The following IMPG1 variants were observed in gnomAD, a reference collection of about 807,000 sequenced individuals.
IMPG1 encodes interphotoreceptor matrix proteoglycan 1, also known as interphotoreceptor matrix proteoglycan of 150 kDa.
A neutral mutation model predicts 92.0 loss-of-function variants in IMPG1; 85 were observed. That is an observed-to-expected ratio of 0.92 (90% CI 0.78 to 1.11). The LOEUF is 1.11. IMPG1 is among the 50% of genes least tolerant of loss of function. The pLI, the probability that IMPG1 is intolerant of heterozygous loss-of-function variation, is 0.00. For missense variants in IMPG1, 1,022 were observed against 956.0 expected (o/e 1.07, Z -0.91); for synonymous variants, 367 against 334.1 (o/e 1.10, Z -1.08).
intron 12 of IMPG1, among the ~76,000 whole-genome samples, chr6:75,982,195 G>A (rs1358720605): frequency 6.6e-6 from 1 of 152,134 alleles, no homozygotes; most frequent in Non-Finnish European, 1.5e-5. Flanking sequence ...ATAGCATTCT[G>A]CAAAGCCTGA....
chr6:76,018,749 T>C lies in IMPG1; in HGVS notation c.776A>G (p.Tyr259Cys), dbSNP rs767450356. 6.2e-7 allele frequency: 1 copy of C among 1,613,380 alleles called. No homozygotes were observed. Among genetic ancestry groups the C allele is most frequent in the East Asian group, 2.2e-5 (1 of 44,850 alleles). The change falls in exon 7 of 17, where the codon TAC (tyrosine) becomes TGC (cysteine). Residue 259 changes from tyrosine (Y) to cysteine (C), a missense_variant. Coordinates refer to ENST00000369950, the MANE Select transcript of IMPG1 (RefSeq NM_001563.4). ...AELADSQSPY[Y>C]QELAGKSQLQ... Reference sequence around the variant, plus strand: ...TTGGGACTTTCCTGCTAGCTCCTGGTAATATGGGGACTGGGAGTCAGCGAG... The same window carrying C: ...TTGGGACTTTCCTGCTAGCTCCTGGCAATATGGGGACTGGGAGTCAGCGAG...
chr6:76,045,441 C>CT (rs10700038), intron 1 of IMPG1, among the ~76,000 whole-genome samples: 33,302 of 122,394 alleles, frequency 0.27, 5,056 homozygotes, highest in African/African-American at 0.35. Context: ...CAACCTCCAT[C>CT]TTTTTTTTTT....
At chr6:76,055,117 C>G (rs772143218) in intron 1 of IMPG1, among the ~76,000 whole-genome samples, 2 of 151,800 alleles carry the variant, frequency 1.3e-5, no homozygotes, top group African/African-American at 2.4e-5. Flanking sequence ...ATAAAATATG[C>G]CTTCTTTTCA....
chr6:76,072,275 T>C, intron 1 of IMPG1, 147 bp downstream of exon 1: 1 of 490,712 alleles, frequency 2.0e-6, no homozygotes, highest in Non-Finnish European at 3.6e-6. Context: ...GATAGTTAAT[T>C]ATTCAATCAA....
At chr6:75,956,335 G>C (rs1019778851) in intron 12 of IMPG1, among the ~76,000 whole-genome samples, 6 of 152,182 alleles carry the variant, frequency 3.9e-5, no homozygotes, top group Non-Finnish European at 5.9e-5. Context: ...GAGGGTGTAT[G>C]TGTCCAGGAA....
chr6:76,036,640 T>G (rs369443028), intron 2 of IMPG1, among the ~76,000 whole-genome samples: 2 of 152,174 alleles, frequency 1.3e-5, no homozygotes, highest in East Asian at 1.9e-4. Flanking sequence ...TTTTCAAGGA[T>G]AAACATAAAT....
intron 12 of IMPG1, among the ~76,000 whole-genome samples, chr6:75,957,689 G>T (rs1350520968): frequency 6.6e-6 from 1 of 152,188 alleles, no homozygotes; most frequent in African/African-American, 2.4e-5. Flanking sequence ...GATATTTGTT[G>T]GTTTAAAGTC....
intron 1 of IMPG1, among the ~76,000 whole-genome samples, chr6:76,057,847 G>C (rs1784145661): frequency 6.6e-6 from 1 of 152,014 alleles, no homozygotes; most frequent in African/African-American, 2.4e-5. Flanking sequence ...ATATAACATT[G>C]TGTCATCTTT....
chr6:76,019,941 G>C (rs1230471044), intron 6 of IMPG1, among the ~76,000 whole-genome samples: 1 of 152,150 alleles, frequency 6.6e-6, no homozygotes, highest in Non-Finnish European at 1.5e-5. Flanking sequence ...AGTTGTCTTA[G>C]AAATTTTATA....
At chr6:75,936,034 G>T (rs1317053887) in intron 14 of IMPG1, among the ~76,000 whole-genome samples, 1 of 152,204 alleles carries the variant, frequency 6.6e-6, no homozygotes, top group Non-Finnish European at 1.5e-5. Flanking sequence ...GTCCTGAGAA[G>T]GTTGTGAGAT....
Position 76,064,799 on chromosome 6 carries a change from A to G in IMPG1, c.67+7623T>C, listed in dbSNP as rs149366278. Among the ~76,000 whole-genome samples, 12 of 152,292 alleles carry G rather than the reference A, an allele frequency of 7.9e-5. No homozygotes were observed. The East Asian group carries it at 1.7e-3, about 22-fold the overall frequency. On this transcript the variant is annotated intron_variant, in intron 1 of 16. Transcript: ENST00000369950. ...TCTGCTTCAGCTGGCTCTTACCAGT[A>G]AGTAAGTACTACCTGCTGGCCTGGA... is the stretch of plus-strand genomic sequence containing the variant.
chr6:76,039,830 G>A (rs1379622064), intron 2 of IMPG1, among the ~76,000 whole-genome samples: 2 of 152,206 alleles, frequency 1.3e-5, no homozygotes, highest in African/African-American at 4.8e-5. Flanking sequence ...TTGCATTTGG[G>A]CTTTGAGATA....
At chr6:76,028,411 C>T (rs541301729) in intron 4 of IMPG1, among the ~76,000 whole-genome samples, 10 of 152,324 alleles carry the variant, frequency 6.6e-5, no homozygotes, top group African/African-American at 2.2e-4. Flanking sequence ...TCAAACCAAA[C>T]AAGAGTTAAT....
At chr6:76,003,976 G>A in intron 10 of IMPG1, 26 bp from the exon 11 acceptor site, 1 of 1,558,140 alleles carries the variant, frequency 6.4e-7, no homozygotes. Flanking sequence ...CACAAGATTT[G>A]AATGTATCTT....
At chr6:75,937,890 T>C (rs9350607) in intron 14 of IMPG1, among the ~76,000 whole-genome samples, 84,249 of 152,024 alleles carry the variant, frequency 0.55, 24,276 homozygotes, top group Non-Finnish European at 0.65. Context: ...GAATAAGTTA[T>C]ATGTGGTTTT....
chr6:76,058,589 A>G (rs938990756), intron 1 of IMPG1, among the ~76,000 whole-genome samples: 4 of 152,168 alleles, frequency 2.6e-5, no homozygotes, highest in Non-Finnish European at 1.5e-5. Flanking sequence ...TGCAGAATGA[A>G]GTTCTGTGCA....
intron 1 of IMPG1, among the ~76,000 whole-genome samples, chr6:76,067,267 TAA>T (rs1419419779): frequency 6.6e-6 from 1 of 150,556 alleles, no homozygotes; most frequent in East Asian, 1.9e-4. Flanking sequence ...TTCAAAAAGC[TAA>T]AGAATATTGA....
chr6:76,031,213 G>T (rs1783647937), intron 4 of IMPG1, among the ~76,000 whole-genome samples: 1 of 152,180 alleles, frequency 6.6e-6, no homozygotes, highest in Non-Finnish European at 1.5e-5. Flanking sequence ...TAAGCAAGTA[G>T]GTCCCAAAGC....
At chr6:76,044,837 C>T (rs1443195448) in intron 1 of IMPG1, among the ~76,000 whole-genome samples, 2 of 152,262 alleles carry the variant, frequency 1.3e-5, no homozygotes, top group Non-Finnish European at 2.9e-5. Context: ...CCCTTTGGAT[C>T]CTAACAGTTT....
Sources: gnomAD v4.1 joint callset for allele counts (sites outside exome capture counted in the v4.1 genomes callset) on GRCh38, gnomAD v4.1.1 for gene constraint, MANE v1.5 for transcripts, NCBI Gene and HGNC (gene_info 2026-07-23, HGNC 2026-07-21) for gene names.